DCX: variants seen among roughly 807,000 people sequenced by gnomAD.
DCX encodes neuronal migration protein doublecortin.
Under a neutral mutation model 20.9 loss-of-function variants are expected in DCX, and 4 were observed. The ratio of observed to expected loss-of-function variants is 0.19; its 90% CI spans 0.09 to 0.44. DCX has a LOEUF of 0.44. Ranked by LOEUF, DCX falls within the 20% of genes least tolerant of loss-of-function variation. DCX has a pLI of 0.99. For synonymous variants in DCX, 103 were observed against 111.4 expected (o/e 0.92, Z 0.47); for missense variants, 133 against 296.9 (o/e 0.45, Z 4.06).
At chrX:111,328,562 G>A (rs1331623694) in intron 5 of DCX, among the ~76,000 whole-genome samples, 1 of 111,307 alleles carries the variant, frequency 9.0e-6, no homozygotes, top group Non-Finnish European at 1.9e-5. Flanking sequence ...GTTATATGGT[G>A]GTTTAAAAAC....
intron 3 of DCX, among the ~76,000 whole-genome samples, chrX:111,395,144 C>T (rs1029195036): frequency 9.0e-6 from 1 of 111,614 alleles, no homozygotes; most frequent in Non-Finnish European, 1.9e-5. Flanking sequence ...GAGGTGGATA[C>T]TCTGTTATTG....
rs764951400 is a variant in DCX, at chrX:111,298,875, T to G, written c.*2812A>C. The G allele has an allele frequency of 3.6e-5, 4 of 111,435 alleles. No homozygotes were observed. The highest frequency in any genetic ancestry group is 1.3e-4 in the African/African-American group (4 of 30,509). The allele number at this position is 111,435 out of a possible 1,213,427, so 9.2% of individuals were successfully genotyped here. ...GTTCAGCCCAGCCCCAATATATACA[T>G]TTTCCCCTTCTTTGTCCCTATTTCT... On this transcript the variant is annotated 3_prime_UTR_variant, in exon 7 of 7. Transcript: ENST00000636035.
chrX:111,404,582 T>C (rs1344264800), intron 2 of DCX, among the ~76,000 whole-genome samples: 1 of 112,134 alleles, frequency 8.9e-6, no homozygotes, highest in Non-Finnish European at 1.9e-5. Context: ...TTAATGTCTC[T>C]GAGTCTCAGC....
chrX:111,324,808 A>G (rs928788062), intron 5 of DCX, among the ~76,000 whole-genome samples: 2 of 111,826 alleles, frequency 1.8e-5, no homozygotes, highest in Admixed American at 9.5e-5. Flanking sequence ...CATAGCACCT[A>G]GCACTACTAA....
intron 5 of DCX, among the ~76,000 whole-genome samples, chrX:111,329,888 A>G (rs1005190559): frequency 8.9e-6 from 1 of 112,308 alleles, no homozygotes; most frequent in African/African-American, 3.2e-5. Flanking sequence ...AGACTGCAAG[A>G]ATTCTCATGA....
intron 1 of DCX, chrX:111,411,635 G>T (rs1332381876): frequency 1.8e-5 from 2 of 112,142 alleles, no homozygotes; most frequent in Admixed American, 1.9e-4. Flanking sequence ...TCACAGATGG[G>T]GATAAAAGGA....
chrX:111,356,110 C>T (rs1409051053), intron 3 of DCX, among the ~76,000 whole-genome samples: 2 of 111,921 alleles, frequency 1.8e-5, no homozygotes, highest in Non-Finnish European at 3.8e-5. Flanking sequence ...AACTTGATGC[C>T]GATACCCAGA....
chrX:111,406,767 A>G (rs1158699039), intron 2 of DCX, among the ~76,000 whole-genome samples: 1 of 112,361 alleles, frequency 8.9e-6, no homozygotes, highest in East Asian at 2.8e-4. Context: ...TAGATTAACC[A>G]TTGTCTAGAG....
chrX:111,327,123 CTT>C (rs2147623644), intron 5 of DCX, among the ~76,000 whole-genome samples: 1 of 112,084 alleles, frequency 8.9e-6, no homozygotes, highest in Admixed American at 9.4e-5. Context: ...TTTGGTCTTT[CTT>C]TTGTCTTCAA....
intron 6 of DCX, among the ~76,000 whole-genome samples, chrX:111,309,868 T>C (rs1354708570): frequency 7.1e-5 from 8 of 112,065 alleles, no homozygotes; most frequent in Non-Finnish European, 1.5e-4. Context: ...TGATAAAGTT[T>C]GAATATGGAC....
intron 3 of DCX, among the ~76,000 whole-genome samples, chrX:111,391,057 C>T (rs765276740): frequency 2.8e-5 from 3 of 108,341 alleles, no homozygotes; most frequent in Non-Finnish European, 3.8e-5. Flanking sequence ...TGGTAACAAT[C>T]AAGTTCTGAT....
chrX:111,337,624 G>A (rs187587605), intron 3 of DCX, among the ~76,000 whole-genome samples: 1 of 112,200 alleles, frequency 8.9e-6, no homozygotes, highest in African/African-American at 3.2e-5. Flanking sequence ...GATGCTGGCA[G>A]TTCGTTTTTG....
In DCX at chrX:111,300,632, T is replaced by A. The variant is rs1432874140; in HGVS notation, c.*1055A>T. On this transcript the variant is annotated 3_prime_UTR_variant, in exon 7 of 7. Transcript: ENST00000636035. The stretch of plus-strand genomic sequence containing the variant: ...ATTCTTCTGCTTTTTTTTTTTTTTT[T>A]GGTAAATTTTCTTCATGTGTTTTTT... 1 of 109,565 alleles carries A rather than the reference T, an allele frequency of 9.1e-6. No homozygotes were observed. Among genetic ancestry groups the A allele is most frequent in the African/African-American group, 3.4e-5 (1 of 29,676 alleles). 9.0% of individuals were successfully genotyped at this position (109,565 alleles called of 1,213,427 possible).
intron 6 of DCX, among the ~76,000 whole-genome samples, chrX:111,307,645 A>G (rs2095048508): frequency 9.0e-6 from 1 of 111,597 alleles, no homozygotes; most frequent in Non-Finnish European, 1.9e-5. Flanking sequence ...CAATCATTCT[A>G]TCTTTTTCTT....
At chrX:111,374,388 T>A (rs1467105317) in intron 3 of DCX, among the ~76,000 whole-genome samples, 7 of 112,264 alleles carry the variant, frequency 6.2e-5, no homozygotes, top group African/African-American at 1.9e-4. Context: ...CCATGGGATC[T>A]TTTTTATATT....
At chrX:111,362,101 T>C (rs1174114510) in intron 3 of DCX, among the ~76,000 whole-genome samples, 1 of 110,784 alleles carries the variant, frequency 9.0e-6, no homozygotes, top group Non-Finnish European at 1.9e-5. Flanking sequence ...TTTCAAGAAT[T>C]CAGGACAACA....
intron 5 of DCX, among the ~76,000 whole-genome samples, chrX:111,321,070 A>G (rs746661858): frequency 8.9e-6 from 1 of 111,815 alleles, no homozygotes; most frequent in African/African-American, 3.2e-5. Flanking sequence ...GAAAAGAGAA[A>G]GTAATGAAAA....
rs1391627952 is a variant in DCX at position 111,310,356 on chromosome X, A to T, written c.1044+2283T>A. ...TCAAAAAATAAATAAATAAATAAAT[A>T]AAATAAATAAAAGAAAAAATAATAA... On this transcript the variant is annotated intron_variant, in intron 6 of 6. Transcript: ENST00000636035. Among the ~76,000 whole-genome samples the T allele has an allele frequency of 8.1e-5, 9 of 111,064 alleles. No homozygotes were observed. The East Asian group carries it at 8.4e-4, about 10-fold the overall frequency.
chrX:111,403,589 C>G (rs1927976149), intron 2 of DCX, among the ~76,000 whole-genome samples: 2 of 111,876 alleles, frequency 1.8e-5, no homozygotes, highest in Non-Finnish European at 3.8e-5. Flanking sequence ...ATGGAAAAAG[C>G]GCAGCTGATG....
Sources: allele counts gnomAD v4.1 joint callset (sites outside exome capture counted in the v4.1 genomes callset), GRCh38; gene constraint gnomAD v4.1.1; transcripts MANE v1.5; gene names NCBI Gene and HGNC (gene_info 2026-07-23, HGNC 2026-07-21).